The following TRAPPC10 variants were observed in gnomAD, a reference collection of about 807,000 sequenced individuals.
TRAPPC10 encodes trafficking protein particle complex subunit 10, also known as TRAPP 130 kDa subunit.
TRAPPC10 carries 23 observed loss-of-function variants against 125.5 expected under a neutral mutation model. That is an observed-to-expected ratio of 0.18 (90% CI 0.13 to 0.26). The LOEUF (loss-of-function observed/expected upper bound fraction) is 0.26. Ranked by LOEUF, TRAPPC10 falls within the 10% of genes least tolerant of loss-of-function variation. The probability of loss-of-function intolerance (pLI) is 1.00; values close to 1 mark genes in which losing one functional copy is unlikely to be tolerated. For synonymous variants in TRAPPC10, 509 were observed against 518.0 expected (o/e 0.98, Z 0.24); for missense variants, 1,123 against 1,308.4 (o/e 0.86, Z 2.19).
intron 3 of TRAPPC10, 127 bp downstream of exon 3, chr21:44,038,054 C>CCAG: frequency 7.6e-7 from 1 of 1,320,508 alleles, no homozygotes; most frequent in Non-Finnish European, 1.0e-6. Context: ...GTGGAGAGTG[C>CCAG]TGTGTGAGTA....
At chr21:44,060,947 C>CACACT (rs1555945307) in intron 6 of TRAPPC10, among the ~76,000 whole-genome samples, 4 of 143,662 alleles carry the variant, frequency 2.8e-5, no homozygotes, top group South Asian at 2.2e-4. Flanking sequence ...CACACACACA[C>CACACT]TTTTTTTTTG....
rs1244382498 is a variant in TRAPPC10, at chr21:44,074,385, A to G, written c.1100A>G (p.Gln367Arg). 2 of 1,614,198 alleles carry G rather than the reference A, an allele frequency of 1.2e-6. No homozygotes were observed. Among genetic ancestry groups the G allele is most frequent in the Non-Finnish European group, 1.7e-6 (2 of 1,180,022 alleles). Residue 367 changes from glutamine (Q) to arginine (R), a missense_variant, in exon 8 of 23, where the codon CAG becomes CGG. Physicochemically the swap from Gln to Arg is conservative, Grantham distance 43. Transcript: ENST00000291574. ...TTTCTGAGCTGTCTGGAGGTGTTGC[A>G]GAGGATAGAAGGCTGCTGTGACCGG... is the stretch of plus-strand genomic sequence containing the variant. ...WVFLSCLEVLQRIEGCCDRAQ... is the reference protein window; with the variant it reads ...WVFLSCLEVLRRIEGCCDRAQ...
intron 3 of TRAPPC10, among the ~76,000 whole-genome samples, chr21:44,044,082 A>G (rs1213564043): frequency 6.6e-6 from 1 of 152,266 alleles, no homozygotes; most frequent in Non-Finnish European, 1.5e-5. Flanking sequence ...GTTGAAAAAG[A>G]GAAGGCTGGA....
At chr21:44,078,435 T>A (rs2037440504) in intron 11 of TRAPPC10, among the ~76,000 whole-genome samples, 1 of 135,424 alleles carries the variant, frequency 7.4e-6, no homozygotes. Context: ...CTTGTTTTCA[T>A]TTTCTAAAAA....
At chr21:44,023,395 G>T (rs1042983744) in intron 1 of TRAPPC10, among the ~76,000 whole-genome samples, 3 of 152,072 alleles carry the variant, frequency 2.0e-5, no homozygotes, top group Non-Finnish European at 2.9e-5. Flanking sequence ...ATCGGTTGGC[G>T]TGTTTTTGTT....
At chr21:44,021,711 C>A (rs1309282197) in intron 1 of TRAPPC10, among the ~76,000 whole-genome samples, 1 of 152,154 alleles carries the variant, frequency 6.6e-6, no homozygotes. Context: ...AGGAGATGGG[C>A]CTTTGAGAAG....
In TRAPPC10 at chr21:44,079,684, G is replaced by A; in HGVS notation, c.1590G>A (p.Lys530=). The change falls in exon 12 of 23, where the codon AAG becomes AAA. Residue 530 remains lysine (K), a synonymous_variant. Coordinates refer to ENST00000291574, the MANE Select transcript of TRAPPC10 (RefSeq NM_003274.5). Reference sequence around the variant, plus strand: ...GGAAGCAGCTGGCCGAATGTCAAAAGCACCTTGGACAAATTGAAAAGTATC... The same window carrying A: ...GGAAGCAGCTGGCCGAATGTCAAAAACACCTTGGACAAATTGAAAAGTATC... ...HTRKQLAECQ[K]HLGQIENYLQ... is the part of the protein sequence containing the mutation. 6.2e-7 allele frequency: 1 copy of A among 1,607,206 alleles called. No homozygotes were observed. The highest frequency in any genetic ancestry group is 2.2e-5 in the East Asian group (1 of 44,832).
chr21:44,052,193 C>A, intron 3 of TRAPPC10, 87 bp from the exon 4 acceptor site: 1 of 1,181,392 alleles, frequency 8.5e-7, no homozygotes, highest in Non-Finnish European at 1.2e-6. Context: ...ACATTGCGGC[C>A]TTTGCAGGCT....
intron 3 of TRAPPC10, chr21:44,046,287 C>T (rs763249828): frequency 1.5e-4 from 35 of 238,172 alleles, no homozygotes; most frequent in Non-Finnish European, 2.2e-4. Flanking sequence ...CTGGAATCAC[C>T]AACACTGGAC....
In TRAPPC10 at chr21:44,055,735, C is replaced by G. The variant is rs1280855630; in HGVS notation, c.520C>G (p.Arg174Gly). The change falls in exon 5 of 23, where the codon CGA becomes GGA. Residue 174 changes from arginine (R) to glycine (G), a missense_variant. By Grantham distance (125) the Arg-to-Gly change is moderately radical (BLOSUM62 -2). Transcript: ENST00000291574. ...CTCCGACCCCTTGAAGGACTCTTCT[C>G]GAACTCAGGAATCCTGGAATGCCTT... ...VLSDPLKDSSRTQESWNAFLT... is the reference protein window; with the variant it reads ...VLSDPLKDSSGTQESWNAFLT... 32 of 1,612,502 alleles carry G rather than the reference C, an allele frequency of 2.0e-5. No individual in the cohort carries two copies. Among genetic ancestry groups the G allele is most frequent in the Non-Finnish European group, 2.4e-5 (28 of 1,178,864 alleles).
chr21:44,083,450 CTGA>C, intron 14 of TRAPPC10, 148 bp downstream of exon 14: 1 of 842,554 alleles, frequency 1.2e-6, no homozygotes. Context: ...CAAAAATACA[CTGA>C]TGTTTTCTTT....
At position 44,059,300 on chromosome 21, in the gene TRAPPC10, C is replaced by T. The variant is rs1208611406; in HGVS notation, c.790+86C>T. 5.5e-6 allele frequency: 5 copies of T among 902,922 alleles called. No homozygotes were observed. Among genetic ancestry groups the T allele is most frequent in the Non-Finnish European group, 8.6e-6 (5 of 578,700 alleles). The allele number at this position is 902,922 out of a possible 1,614,324, so 55.9% of individuals were successfully genotyped here. A position where few individuals can be genotyped will look rare whatever the true frequency, so the allele number is the denominator to read the frequency against. The stretch of plus-strand genomic sequence containing the variant: ...TAGGCTTGAAGCAGCCATTTATTTA[C>T]CTCAGGAGTACGCATGTTTTGTTGT... On this transcript the variant is annotated intron_variant, in intron 6 of 22. Transcript: ENST00000291574. This position sits in a 1 kb window ranked among gnomAD's most constrained non-coding sequence, Gnocchi z 4.4.
chr21:44,060,781 A>G (rs1223494008), intron 6 of TRAPPC10, among the ~76,000 whole-genome samples: 1 of 150,988 alleles, frequency 6.6e-6, no homozygotes, highest in African/African-American at 2.4e-5. Flanking sequence ...CTATATTTTT[A>G]GTAGAAACGG....
Position 44,055,383 on chromosome 21 carries a change from A to G in TRAPPC10, c.483-315A>G, listed in dbSNP as rs182327685. Among the ~76,000 whole-genome samples, 27 of 152,208 alleles carry G rather than the reference A, an allele frequency of 1.8e-4. No individual in the cohort carries two copies. The East Asian group carries it at 3.9e-3, about 22-fold the overall frequency. ...GGCAGGAGGATTGTTTGAGCCCAGG[A>G]GTTCGAGACCAGCCTGGGCAACATA... On this transcript the variant is annotated intron_variant, in intron 4 of 22. Transcript: ENST00000291574.
rs555358997 is a variant in TRAPPC10, at chr21:44,029,420, T to C, written c.68-2671T>C. On this transcript the variant is annotated intron_variant, in intron 1 of 22. Coordinates refer to ENST00000291574, the MANE Select transcript of TRAPPC10 (RefSeq NM_003274.5). Reference sequence around the variant, plus strand: ...CTCTTCACCATCTTTCATGTGCTGGTTCTCCATACCCCATTTTCAAAGGCA... The same window carrying C: ...CTCTTCACCATCTTTCATGTGCTGGCTCTCCATACCCCATTTTCAAAGGCA... Among the ~76,000 whole-genome samples the C allele has an allele frequency of 4.6e-4, 70 of 152,328 alleles. No homozygotes were observed. In the Middle Eastern group the frequency reaches 0.01, roughly 22 times the overall value.
rs1457302411 is a variant in TRAPPC10, at chr21:44,084,019, A to G, written c.2239-103A>G. 7.5e-5 allele frequency: 102 copies of G among 1,355,616 alleles called. No individual in the cohort carries two copies. The Admixed American group carries it at 9.8e-4, about 13-fold the overall frequency. The allele number at this position is 1,355,616 out of a possible 1,614,324, so 84.0% of individuals were successfully genotyped here. A position where few individuals can be genotyped will look rare whatever the true frequency, so the allele number is the denominator to read the frequency against. ...GGGGGTACAAGAGGGAAAGAAGTAC[A>G]GGCCTTTCTGGAGTTCAGAGAGACC... On this transcript the variant is annotated intron_variant, in intron 14 of 22. Transcript: ENST00000291574.
chr21:44,041,781 T>C (rs1051717310), intron 3 of TRAPPC10, among the ~76,000 whole-genome samples: 2 of 151,990 alleles, frequency 1.3e-5, no homozygotes, highest in South Asian at 4.2e-4. Context: ...GGCTGTAGTG[T>C]AGTGGCGCAT....
In TRAPPC10 at chr21:44,051,361, A is replaced by G. The variant is rs59860982; in HGVS notation, c.286-919A>G. ...CTGATTTAGATGGTAGCTGTGAGTT[A>G]CTGTGTCCAGATATTGTCAGTGCCT... On this transcript the variant is annotated intron_variant, in intron 3 of 22. Coordinates refer to ENST00000291574, the MANE Select transcript of TRAPPC10 (RefSeq NM_003274.5). Among the ~76,000 whole-genome samples the G allele has an allele frequency of 5.6e-3, 852 of 152,348 alleles. 11 individuals carry two copies. The highest frequency in any genetic ancestry group is 0.02 in the African/African-American group (826 of 41,582).
At chr21:44,081,723 C>G (rs1357145520) in intron 13 of TRAPPC10, among the ~76,000 whole-genome samples, 5 of 152,086 alleles carry the variant, frequency 3.3e-5, no homozygotes, top group Admixed American at 1.3e-4. Context: ...CCTGTCTCTA[C>G]AAAAAATTAG....
Sources: gnomAD v4.1 joint callset for allele counts (sites outside exome capture counted in the v4.1 genomes callset) on GRCh38, gnomAD v4.1.1 for gene constraint, Gnocchi (gnomAD v3.1) non-coding constraint, MANE v1.5 for transcripts, NCBI Gene and HGNC (gene_info 2026-07-23, HGNC 2026-07-21) for gene names.